Variants in GALNT14 observed in about 807,000 individuals in gnomAD.
GALNT14 encodes the protein polypeptide N-acetylgalactosaminyltransferase 14.
In GALNT14, 60 loss-of-function variants were observed where a neutral mutation model predicts 77.5. The ratio of observed to expected loss-of-function variants is 0.77; its 90% CI spans 0.63 to 0.96. GALNT14 has a LOEUF of 0.96. GALNT14 is among the 40% of genes least tolerant of loss of function. The pLI is 0.00. For missense variants in GALNT14, 710 were observed against 731.0 expected, an observed-to-expected ratio of 0.97 and a Z score of 0.33; for synonymous variants, 280 against 281.7, an observed-to-expected ratio of 0.99 and a Z score of 0.06.
chr2:30,942,108 G>C, intron 9 of GALNT14, 93 bp downstream of exon 9: 2 of 800,858 alleles, frequency 2.5e-6, no homozygotes, highest in Admixed American at 4.2e-5. Context: ...CTCTCTGACA[G>C]CTTGGTGTTG....
At chr2:31,076,475 C>T (rs1463217846) in intron 1 of GALNT14, among the ~76,000 whole-genome samples, 1 of 152,084 alleles carries the variant, frequency 6.6e-6, no homozygotes, top group Non-Finnish European at 1.5e-5. Context: ...AAGCCTGTAT[C>T]AATCAGCAAA....
intron 1 of GALNT14, among the ~76,000 whole-genome samples, chr2:31,021,299 C>CT (rs1361370245): frequency 6.6e-6 from 1 of 151,830 alleles, no homozygotes; most frequent in South Asian, 2.1e-4. Context: ...TTTTTCTTTT[C>CT]TTTTTTTTAT....
intron 8 of GALNT14, among the ~76,000 whole-genome samples, chr2:30,943,186 G>C (rs1666483213): frequency 6.6e-6 from 1 of 152,178 alleles, no homozygotes; most frequent in Non-Finnish European, 1.5e-5. Flanking sequence ...TGTTACAGCA[G>C]CCCTAGCAAA....
chr2:31,125,333 A>G, intron 1 of GALNT14: 1 of 1,031,142 alleles, frequency 9.7e-7, no homozygotes, highest in Non-Finnish European at 1.5e-6. Flanking sequence ...CAGAGATCTT[A>G]CCCCTCACAA....
chr2:31,068,599 C>T (rs1367410341), intron 1 of GALNT14, among the ~76,000 whole-genome samples: 1 of 152,108 alleles, frequency 6.6e-6, no homozygotes, highest in Non-Finnish European at 1.5e-5. Flanking sequence ...GTTCTACCTC[C>T]CCCTGCAAAG....
intron 1 of GALNT14, among the ~76,000 whole-genome samples, chr2:31,054,432 T>C (rs944249289): frequency 1.3e-5 from 2 of 152,226 alleles, no homozygotes; most frequent in African/African-American, 4.8e-5. Flanking sequence ...TCCTGTTTTA[T>C]TGTTACTATG....
intron 1 of GALNT14, among the ~76,000 whole-genome samples, chr2:31,102,664 T>C (rs1677338208): frequency 6.6e-6 from 1 of 152,172 alleles, no homozygotes. Flanking sequence ...CCAGATCTAC[T>C]TTATTACCTA....
the GALNT14 span, among the ~76,000 whole-genome samples, chr2:30,888,775 T>A: frequency 6.6e-6 from 1 of 152,194 alleles, no homozygotes; most frequent in African/African-American, 2.4e-5. Context: ...ATCTTGCTGG[T>A]TGCAAAATTC....
intron 1 of GALNT14, among the ~76,000 whole-genome samples, chr2:31,122,907 T>C (rs530935513): frequency 2.0e-4 from 30 of 152,146 alleles, no homozygotes; most frequent in Non-Finnish European, 3.8e-4. Flanking sequence ...TTGGGCCGGG[T>C]GCTGTGGCTT....
chr2:30,910,811 T>C lies in GALNT14; in HGVS notation c.*90A>G, dbSNP rs1457455316. 3.6e-6 allele frequency: 5 copies of C among 1,404,588 alleles called. No individual in the cohort carries two copies. In the East Asian group the frequency reaches 9.3e-5, roughly 26 times the overall value. The allele number at this position is 1,404,588 out of a possible 1,614,324, so 87.0% of individuals were successfully genotyped here. On this transcript the variant is annotated 3_prime_UTR_variant, in exon 15 of 15. Transcript: ENST00000349752. ...ACCTCCCAGTCCAGGATGTCTGAGG[T>C]GGTTGCAGGCTGCTTGCTGCCCAGT... is the stretch of plus-strand genomic sequence containing the variant.
intron 2 of GALNT14, among the ~76,000 whole-genome samples, chr2:30,976,252 G>A (rs2148364667): frequency 6.6e-6 from 1 of 152,312 alleles, no homozygotes; most frequent in East Asian, 1.9e-4. Flanking sequence ...TCCTCAGGCA[G>A]TTCTGCTGCC....
At chr2:31,090,452 G>A (rs1054974936) in intron 1 of GALNT14, among the ~76,000 whole-genome samples, 8 of 148,082 alleles carry the variant, frequency 5.4e-5, no homozygotes, top group African/African-American at 2.0e-4. Context: ...CTCCAGCTCT[G>A]CTTGCACTGC....
At chr2:31,054,668 A>G (rs777486522) in intron 1 of GALNT14, among the ~76,000 whole-genome samples, 2 of 152,336 alleles carry the variant, frequency 1.3e-5, no homozygotes, top group African/African-American at 2.4e-5. Context: ...GCTATTTTCA[A>G]TATATTCCAA....
At chr2:30,916,203 G>A (rs1298284507) in intron 13 of GALNT14, among the ~76,000 whole-genome samples, 1 of 152,230 alleles carries the variant, frequency 6.6e-6, no homozygotes, top group African/African-American at 2.4e-5. Flanking sequence ...TATGTCTTTA[G>A]ATGAATGCAC....
chr2:30,939,392 G>A (rs2148273564), intron 9 of GALNT14, among the ~76,000 whole-genome samples: 1 of 152,298 alleles, frequency 6.6e-6, no homozygotes, highest in African/African-American at 2.4e-5. Context: ...GGTCCTAATA[G>A]TGGGTTGGAC....
chr2:30,894,991 TGA>T, the GALNT14 span, among the ~76,000 whole-genome samples: 1 of 152,360 alleles, frequency 6.6e-6, no homozygotes, highest in East Asian at 1.9e-4. Context: ...AGGCTGGGTC[TGA>T]GAGTTTTTCA....
chr2:31,026,653 C>T (rs1447512308), intron 1 of GALNT14, among the ~76,000 whole-genome samples: 1 of 152,180 alleles, frequency 6.6e-6, no homozygotes, highest in Non-Finnish European at 1.5e-5. Flanking sequence ...CTAGTCCTGC[C>T]TCTGCCACTA....
chr2:31,066,378 C>T (rs1212229270), intron 1 of GALNT14, among the ~76,000 whole-genome samples: 2 of 144,712 alleles, frequency 1.4e-5, no homozygotes, highest in Admixed American at 6.9e-5. Flanking sequence ...CCCACACCAC[C>T]GGAGACTCCA....
At chr2:31,038,553 G>A (rs1044223927) in intron 1 of GALNT14, among the ~76,000 whole-genome samples, 14 of 151,334 alleles carry the variant, frequency 9.3e-5, no homozygotes, top group Middle Eastern at 6.9e-3. Context: ...GGAGTTTGGC[G>A]TTGGCCGGGG....
Sources: allele counts gnomAD v4.1 joint callset (sites outside exome capture counted in the v4.1 genomes callset), GRCh38; gene constraint gnomAD v4.1.1; transcripts MANE v1.5; gene names NCBI Gene and HGNC (gene_info 2026-07-23, HGNC 2026-07-21).